The following DCC variants were observed in gnomAD, a reference collection of about 807,000 sequenced individuals.
The protein encoded by DCC is netrin receptor DCC.
A neutral mutation model predicts 172.5 loss-of-function variants in DCC; 58 were observed. The ratio of observed to expected loss-of-function variants is 0.34; its 90% CI spans 0.27 to 0.42. The LOEUF (loss-of-function observed/expected upper bound fraction) is 0.42, where lower values mean the gene tolerates loss of function less well. Ranked by LOEUF, DCC falls within the 10% of genes least tolerant of loss-of-function variation. The probability of loss-of-function intolerance (pLI) is 1.00; values close to 1 mark genes in which losing one functional copy is unlikely to be tolerated. For missense variants in DCC, 1,740 were observed against 1,791.0 expected, an observed-to-expected ratio of 0.97 and a Z score of 0.51; for synonymous variants, 709 against 644.5, an observed-to-expected ratio of 1.10 and a Z score of -1.52.
intron 1 of DCC, among the ~76,000 whole-genome samples, chr18:52,475,062 A>G (rs1163830390): frequency 2.0e-5 from 3 of 152,152 alleles, no homozygotes; most frequent in African/African-American, 7.2e-5. Flanking sequence ...TCATGATCTC[A>G]ACTTCCTACC....
intron 27 of DCC, among the ~76,000 whole-genome samples, chr18:53,517,245 C>G (rs1219057270): frequency 6.8e-6 from 1 of 147,776 alleles, no homozygotes; most frequent in African/African-American, 2.5e-5. Flanking sequence ...GGGAATTGAA[C>G]AATGAGAACC....
At chr18:53,192,091 C>G (rs1335173122) in intron 9 of DCC, among the ~76,000 whole-genome samples, 2 of 152,158 alleles carry the variant, frequency 1.3e-5, no homozygotes, top group African/African-American at 2.4e-5. Context: ...GTGGTTCAGT[C>G]AGCCGACCAG....
At chr18:52,609,686 T>A (rs1478491744) in intron 1 of DCC, among the ~76,000 whole-genome samples, 12 of 151,936 alleles carry the variant, frequency 7.9e-5, no homozygotes, top group Non-Finnish European at 2.9e-5. Flanking sequence ...TTATATGCTG[T>A]GGAATTCTGA....
intron 1 of DCC, among the ~76,000 whole-genome samples, chr18:52,405,915 C>A (rs1164668766): frequency 6.6e-6 from 1 of 151,838 alleles, no homozygotes; most frequent in African/African-American, 2.4e-5. Context: ...TACCTGACTT[C>A]AAACTATACT....
At chr18:53,469,525 A>G (rs966115998) in intron 25 of DCC, among the ~76,000 whole-genome samples, 1 of 152,170 alleles carries the variant, frequency 6.6e-6, no homozygotes, top group Non-Finnish European at 1.5e-5. Flanking sequence ...AAGCATTCAG[A>G]AAGTGGTATC....
Position 52,340,861 on chromosome 18 carries a change from C to A in DCC, c.74C>A (p.Ala25Glu), listed in dbSNP as rs548959522. 3.7e-6 allele frequency: 6 copies of A among 1,613,710 alleles called. No individual in the cohort carries two copies. In the African/African-American group the frequency reaches 4.0e-5, roughly 11 times the overall value. ...CTCTTCGGAGCTTCCTTGTTCAGCG[C>A]GCATCTTCAAGTAACCGGTAAGTGG... ...FVLFGASLFS[A>E]HLQVTGFQIK... is the part of the protein sequence containing the mutation. The change falls in exon 1 of 29, where the codon GCG becomes GAG. Residue 25 changes from alanine (A) to glutamate (E), a missense_variant. Ala to Glu is a moderately radical substitution (Grantham distance 107). Coordinates refer to ENST00000442544, the MANE Select transcript of DCC (RefSeq NM_005215.4).
chr18:52,537,914 G>A (rs546637454), intron 1 of DCC, among the ~76,000 whole-genome samples: 1 of 152,064 alleles, frequency 6.6e-6, no homozygotes, highest in Non-Finnish European at 1.5e-5. Flanking sequence ...AGAATTTTCT[G>A]TCTTCTGCCC....
intron 22 of DCC, among the ~76,000 whole-genome samples, chr18:53,436,617 C>G (rs562544492): frequency 8.5e-5 from 13 of 152,218 alleles, no homozygotes; most frequent in African/African-American, 2.9e-4. Flanking sequence ...TCTCCTCTGG[C>G]CAATGGTAGA....
At chr18:52,371,904 T>C (rs557415937) in intron 1 of DCC, among the ~76,000 whole-genome samples, 2 of 152,322 alleles carry the variant, frequency 1.3e-5, no homozygotes, top group African/African-American at 2.4e-5. Context: ...AATGCTTTGA[T>C]AATAAAGAAG....
At chr18:52,731,927 A>G (rs1018505133) in intron 1 of DCC, among the ~76,000 whole-genome samples, 12 of 152,136 alleles carry the variant, frequency 7.9e-5, no homozygotes, top group Admixed American at 7.9e-4. Flanking sequence ...CTATTGAATT[A>G]TTTTGCTGAG....
chr18:53,258,336 C>G (rs924589073), intron 12 of DCC, among the ~76,000 whole-genome samples: 1 of 152,114 alleles, frequency 6.6e-6, no homozygotes, highest in Admixed American at 6.6e-5. Context: ...TCTGCTTTCT[C>G]TGGTGGGCAT....
At position 53,467,973 on chromosome 18, in the gene DCC, G is replaced by C. The variant is rs2045642748; in HGVS notation, c.3699G>C (p.Lys1233Asn). 6.2e-7 allele frequency: 1 copy of C among 1,610,430 alleles called. No individual in the cohort carries two copies. Among genetic ancestry groups the C allele is most frequent in the Non-Finnish European group, 8.5e-7 (1 of 1,176,806 alleles). ...CTGCACGCCGAGCCCCCCGGGCCAA[G>C]CTCATGATTCCCATGGATGCCCAGT... ...SLAARRAPRA[K>N]LMIPMDAQSN... The change falls in exon 25 of 29, where the codon AAG becomes AAC. Residue 1233 changes from lysine to asparagine, a missense_variant. By Grantham distance (94) the Lys-to-Asn change is moderately conservative. This residue lies in a region of DCC where 1,732 missense variants were observed against 1,767.4 expected (regional missense o/e 0.98). Transcript: ENST00000442544.
chr18:53,278,607 T>A (rs961412920), intron 12 of DCC, among the ~76,000 whole-genome samples: 1 of 152,180 alleles, frequency 6.6e-6, no homozygotes, highest in Non-Finnish European at 1.5e-5. Flanking sequence ...CAGGATTTTT[T>A]AAAAAGGAAA....
intron 8 of DCC, among the ~76,000 whole-genome samples, chr18:53,165,116 T>C (rs1282931884): frequency 6.6e-6 from 1 of 152,148 alleles, no homozygotes; most frequent in African/African-American, 2.4e-5. Context: ...ATCCTCACAA[T>C]AATACTGTGA....
chr18:53,223,910 G>A (rs1253879218), intron 12 of DCC, among the ~76,000 whole-genome samples: 1 of 152,012 alleles, frequency 6.6e-6, no homozygotes, highest in Non-Finnish European at 1.5e-5. Context: ...AAGGTATTTT[G>A]TGCCTGGCAA....
intron 2 of DCC, among the ~76,000 whole-genome samples, chr18:52,822,870 G>A (rs1403214991): frequency 1.3e-5 from 2 of 152,180 alleles, no homozygotes; most frequent in Non-Finnish European, 2.9e-5. Flanking sequence ...TGTAGGATTT[G>A]TTTTAGCATT....
chr18:52,406,324 G>C lies in DCC; in HGVS notation c.91+65446G>C, dbSNP rs1481405372. Among the ~76,000 whole-genome samples, 10 of 150,176 alleles carry C rather than the reference G, an allele frequency of 6.7e-5. No homozygotes were observed. The East Asian group carries it at 1.8e-3, about 26-fold the overall frequency. On this transcript the variant is annotated intron_variant, in intron 1 of 28. Transcript: ENST00000442544. ...AACAAAAGCCAAAATTGACAAATGG[G>C]ATCTAATTAAACTAAAGAGCTTCTG...
At chr18:52,533,583 T>C (rs2032210641) in intron 1 of DCC, among the ~76,000 whole-genome samples, 1 of 152,176 alleles carries the variant, frequency 6.6e-6, no homozygotes, top group South Asian at 2.1e-4. Context: ...TTCAGTCCTG[T>C]CTATTACTAA....
intron 5 of DCC, among the ~76,000 whole-genome samples, chr18:52,949,964 C>T (rs2040610250): frequency 6.6e-6 from 1 of 152,174 alleles, no homozygotes; most frequent in Non-Finnish European, 1.5e-5. Context: ...AGGGACATCT[C>T]ACCTATTTGA....
Sources: allele counts gnomAD v4.1 joint callset (sites outside exome capture counted in the v4.1 genomes callset), GRCh38; gene constraint gnomAD v4.1.1; regional missense constraint gnomAD v4.1.1; transcripts MANE v1.5; gene names NCBI Gene and HGNC (gene_info 2026-07-23, HGNC 2026-07-21).